The following TRDN variants were observed in gnomAD, a reference collection of about 807,000 sequenced individuals.
The protein encoded by TRDN is triadin.
A neutral mutation model predicts 149.7 loss-of-function variants in TRDN; 161 were observed. That is an observed-to-expected ratio of 1.08 (90% confidence interval 0.95 to 1.23). The LOEUF (loss-of-function observed/expected upper bound fraction) is 1.23, where lower values mean the gene tolerates loss of function less well. TRDN is among the 50% of genes most tolerant of loss of function. The probability of loss-of-function intolerance (pLI) is 0.00; values close to 1 mark genes in which losing one functional copy is unlikely to be tolerated. For missense variants in TRDN, 896 were observed against 823.5 expected (o/e 1.09, Z -1.08); for synonymous variants, 294 against 250.5 (o/e 1.17, Z -1.64).
Position 123,218,673 on chromosome 6 carries a change from G to A in TRDN, c.2118C>T (p.Phe706=). ...GYNGYGFQFP[F]TPADRPGESS... ...TCTCTCCAGGGCGGTCTGCAGGAGT[G>A]AAAGGAAACTGAAATCCATAGCCAT... is the stretch of plus-strand genomic sequence containing the variant. The change falls in exon 41 of 41, where the codon TTC becomes TTT. Residue 706 remains phenylalanine (F), a synonymous_variant. Coordinates refer to ENST00000334268, the MANE Select transcript of TRDN (RefSeq NM_006073.4). 1 of 1,607,844 alleles carries A rather than the reference G, an allele frequency of 6.2e-7. No homozygotes were observed. The highest frequency in any genetic ancestry group is 1.3e-5 in the African/African-American group (1 of 74,862).
intron 12 of TRDN, among the ~76,000 whole-genome samples, chr6:123,419,070 C>A (rs139721946): frequency 8.6e-5 from 13 of 151,810 alleles, no homozygotes; most frequent in African/African-American, 2.9e-4. Flanking sequence ...AGCTGAGAGG[C>A]TAAAAAAAGA....
intron 5 of TRDN, among the ~76,000 whole-genome samples, chr6:123,521,787 A>G (rs1021394164): frequency 3.9e-5 from 6 of 152,246 alleles, no homozygotes; most frequent in African/African-American, 1.2e-4. Context: ...AGGTCCTTCC[A>G]GAAAACTGCA....
At chr6:123,577,485 TTTTA>T (rs1214559316) in intron 1 of TRDN, among the ~76,000 whole-genome samples, 1 of 152,182 alleles carries the variant, frequency 6.6e-6, no homozygotes. Context: ...ATCTTGTTCT[TTTTA>T]TGGCTGCATA....
intron 12 of TRDN, among the ~76,000 whole-genome samples, chr6:123,418,097 G>A (rs1195016136): frequency 6.6e-6 from 1 of 152,136 alleles, no homozygotes; most frequent in Non-Finnish European, 1.5e-5. Context: ...ACACTAATAA[G>A]AACATGCTGT....
intron 24 of TRDN, among the ~76,000 whole-genome samples, chr6:123,287,864 A>G (rs1777856120): frequency 6.6e-6 from 1 of 152,066 alleles, no homozygotes; most frequent in African/African-American, 2.4e-5. Flanking sequence ...TGTTTCAAAT[A>G]GTGAGTAGCA....
chr6:123,433,236 C>T (rs1303258239), intron 12 of TRDN, among the ~76,000 whole-genome samples: 1 of 147,802 alleles, frequency 6.8e-6, no homozygotes, highest in East Asian at 2.1e-4. Flanking sequence ...TACATCAGAT[C>T]TCAATTTAAA....
At chr6:123,307,082 A>T (rs1174483311) in intron 24 of TRDN, among the ~76,000 whole-genome samples, 1 of 152,070 alleles carries the variant, frequency 6.6e-6, no homozygotes, top group African/African-American at 2.4e-5. Context: ...GGTGGAAAAC[A>T]TTGTCTAATA....
intron 24 of TRDN, among the ~76,000 whole-genome samples, chr6:123,289,201 TA>T (rs1414704933): frequency 1.3e-5 from 2 of 149,096 alleles, no homozygotes; most frequent in Non-Finnish European, 3.0e-5. Flanking sequence ...TATACAGCCT[TA>T]AAAAAAAGAA....
At chr6:123,457,495 T>A (rs1260826769) in intron 10 of TRDN, 50 of 383,930 alleles carry the variant, frequency 1.3e-4, no homozygotes, top group African/African-American at 1.0e-3. Flanking sequence ...ACAAGTTTCT[T>A]GTCTATTAAA....
intron 8 of TRDN, chr6:123,503,174 T>C (rs1457376259): frequency 3.6e-5 from 35 of 984,972 alleles, no homozygotes; most frequent in Non-Finnish European, 3.7e-5. Flanking sequence ...AAAAAGAAAC[T>C]TGAGAACTGT....
chr6:123,528,533 C>A, intron 5 of TRDN: 1 of 603,070 alleles, frequency 1.7e-6, no homozygotes, highest in East Asian at 1.4e-4. Context: ...TCACAGACTA[C>A]TACTACCTTT....
chr6:123,440,405 T>C (rs9482387), intron 10 of TRDN, among the ~76,000 whole-genome samples: 22,112 of 152,194 alleles, frequency 0.15, 2,204 homozygotes, highest in African/African-American at 0.29. Context: ...ATTAAACATG[T>C]AGATCATATT....
intron 2 of TRDN, among the ~76,000 whole-genome samples, chr6:123,550,370 TGAG>T (rs1781323317): frequency 6.6e-6 from 1 of 151,980 alleles, no homozygotes; most frequent in Non-Finnish European, 1.5e-5. Context: ...ACATTGTTTT[TGAG>T]GAGGACAGAG....
chr6:123,454,891 G>A (rs951611656), intron 10 of TRDN, among the ~76,000 whole-genome samples: 12 of 152,154 alleles, frequency 7.9e-5, no homozygotes, highest in African/African-American at 2.9e-4. Context: ...CAGGAACCAG[G>A]TTCCTGGTGC....
At chr6:123,636,165 C>T (rs1786303520) in intron 1 of TRDN, among the ~76,000 whole-genome samples, 1 of 151,738 alleles carries the variant, frequency 6.6e-6, no homozygotes, top group Admixed American at 6.6e-5. Flanking sequence ...TCTGAATTTC[C>T]ATTAATGGTC....
At chr6:123,352,071 T>C in intron 21 of TRDN, 1 of 966,140 alleles carries the variant, frequency 1.0e-6, no homozygotes, top group Non-Finnish European at 1.2e-6. Flanking sequence ...ATAGTATATA[T>C]CATAATATAC....
At chr6:123,525,629 C>T (rs1017912313) in intron 5 of TRDN, among the ~76,000 whole-genome samples, 1 of 151,980 alleles carries the variant, frequency 6.6e-6, no homozygotes, top group East Asian at 1.9e-4. Flanking sequence ...ACTAGAAGAG[C>T]TCAATCCCCA....
At chr6:123,477,385 G>A (rs1212254496) in intron 9 of TRDN, among the ~76,000 whole-genome samples, 1 of 148,094 alleles carries the variant, frequency 6.8e-6, no homozygotes, top group Non-Finnish European at 1.5e-5. Flanking sequence ...AGTTAGAATG[G>A]CAATCATTAA....
At chr6:123,502,371 T>G in intron 8 of TRDN, 2 of 706,296 alleles carry the variant, frequency 2.8e-6, no homozygotes, top group Non-Finnish European at 3.5e-6. Context: ...CCTTGAAAAT[T>G]GGAAAAAGTT....
Sources: gnomAD v4.1 joint callset for allele counts (sites outside exome capture counted in the v4.1 genomes callset) on GRCh38, gnomAD v4.1.1 for gene constraint, MANE v1.5 for transcripts, NCBI Gene and HGNC (gene_info 2026-07-23, HGNC 2026-07-21) for gene names.